The following PLS1 variants were observed in gnomAD, a reference collection of about 807,000 sequenced individuals.
PLS1 encodes plastin-1.
In PLS1, 32 loss-of-function variants were observed where a neutral mutation model predicts 73.7. That is an observed-to-expected ratio of 0.43 (90% CI 0.33 to 0.58). PLS1 has a LOEUF of 0.58. Among genes scored for constraint, PLS1 ranks in the 20% least tolerant of loss-of-function variants. The pLI, the probability that PLS1 is intolerant of heterozygous loss-of-function variation, is 0.04. For synonymous variants in PLS1, 217 were observed against 261.3 expected (o/e 0.83, Z 1.63); for missense variants, 633 against 740.5 (o/e 0.85, Z 1.68).
At chr3:142,645,851 C>A (rs1225761427) in intron 1 of PLS1, among the ~76,000 whole-genome samples, 1 of 151,918 alleles carries the variant, frequency 6.6e-6, no homozygotes, top group Admixed American at 6.6e-5. Context: ...TAATCCATTC[C>A]CTGAGTATCA....
chr3:142,615,262 C>A (rs2036195648), intron 1 of PLS1, among the ~76,000 whole-genome samples: 1 of 152,136 alleles, frequency 6.6e-6, no homozygotes, highest in Non-Finnish European at 1.5e-5. Context: ...ATCTTCTCTC[C>A]ATTTACATTA....
chr3:142,600,917 T>TATATATATATATA (rs1491180044), intron 1 of PLS1, among the ~76,000 whole-genome samples: 10 of 11,866 alleles, frequency 8.4e-4, no homozygotes, highest in South Asian at 4.5e-3. Context: ...TATATATATA[T>TATATATATATATA]TTTTTTTTTT....
At chr3:142,656,982 C>G (rs542083823) in intron 1 of PLS1, 1 of 152,158 alleles carries the variant, frequency 6.6e-6, no homozygotes, top group Non-Finnish European at 1.5e-5. Context: ...TTTGAAGCAA[C>G]TTTATTTTTA....
intron 11 of PLS1, among the ~76,000 whole-genome samples, chr3:142,696,614 T>A (rs1298629232): frequency 6.6e-6 from 1 of 151,890 alleles, no homozygotes; most frequent in Non-Finnish European, 1.5e-5. Flanking sequence ...GTTATATATT[T>A]CAAGAACTAT....
chr3:142,602,545 G>C (rs76266117), intron 1 of PLS1, among the ~76,000 whole-genome samples: 3,418 of 152,108 alleles, frequency 0.022, 122 homozygotes, highest in African/African-American at 0.078. Context: ...ACTAATTGGA[G>C]GTGGGTGTGG....
intron 1 of PLS1, among the ~76,000 whole-genome samples, chr3:142,650,422 T>G (rs1319537056): frequency 6.6e-6 from 1 of 152,024 alleles, no homozygotes; most frequent in Non-Finnish European, 1.5e-5. Context: ...AGCCTTGTGT[T>G]CTCTCTTTGT....
intron 14 of PLS1, among the ~76,000 whole-genome samples, chr3:142,707,008 A>G (rs1268646638): frequency 3.3e-5 from 5 of 152,214 alleles, no homozygotes; most frequent in Admixed American, 2.0e-4. Flanking sequence ...TCAGTTGAAT[A>G]AAAGGGTTGA....
At chr3:142,687,682 A>G (rs1230907529) in intron 9 of PLS1, among the ~76,000 whole-genome samples, 1 of 151,942 alleles carries the variant, frequency 6.6e-6, no homozygotes, top group Non-Finnish European at 1.5e-5. Context: ...TTTATTCCCT[A>G]TTTCTCTCCT....
chr3:142,668,489 G>A (rs890710697), intron 2 of PLS1, among the ~76,000 whole-genome samples: 2 of 152,076 alleles, frequency 1.3e-5, no homozygotes, highest in Non-Finnish European at 2.9e-5. Flanking sequence ...TTTACACAGC[G>A]CATGTATTTT....
At chr3:142,603,281 A>T (rs1057374093) in intron 1 of PLS1, among the ~76,000 whole-genome samples, 1 of 152,116 alleles carries the variant, frequency 6.6e-6, no homozygotes, top group Non-Finnish European at 1.5e-5. Flanking sequence ...GCTTTTTATT[A>T]TAGTAATATT....
chr3:142,675,869 T>G (rs1577876401), intron 4 of PLS1, among the ~76,000 whole-genome samples: 1 of 151,394 alleles, frequency 6.6e-6, no homozygotes, highest in East Asian at 2.0e-4. Context: ...GAGACGGGGG[T>G]TTCTCCATGT....
At chr3:142,600,317 C>T (rs966508417) in intron 1 of PLS1, among the ~76,000 whole-genome samples, 1 of 152,128 alleles carries the variant, frequency 6.6e-6, no homozygotes, top group Non-Finnish European at 1.5e-5. Flanking sequence ...GAGGCAGACA[C>T]AAATGGGTTG....
At chr3:142,636,239 C>T (rs560618968) in intron 1 of PLS1, among the ~76,000 whole-genome samples, 3 of 152,136 alleles carry the variant, frequency 2.0e-5, no homozygotes, top group African/African-American at 7.2e-5. Context: ...GTTGTATTTG[C>T]ATAAAGATAG....
chr3:142,711,422 A>G lies in PLS1; in HGVS notation c.1630-79A>G, dbSNP rs562660642. 211 of 1,057,158 alleles carry G rather than the reference A, an allele frequency of 2.0e-4. 4 individuals are homozygous for G. In the South Asian group the frequency reaches 3.6e-3, roughly 18 times the overall value. 65.5% of individuals were successfully genotyped at this position (1,057,158 alleles called of 1,614,324 possible). ...AAGAATTTGTAGATTGCCTTCAGTT[A>G]TATGATCAGAAGAGTCTGAAAATAA... On this transcript the variant is annotated intron_variant, in intron 14 of 15. Coordinates refer to ENST00000457734, the MANE Select transcript of PLS1 (RefSeq NM_001145319.2).
chr3:142,647,975 A>G (rs1052920315), intron 1 of PLS1, among the ~76,000 whole-genome samples: 1 of 152,092 alleles, frequency 6.6e-6, no homozygotes, highest in African/African-American at 2.4e-5. Flanking sequence ...TTGGTGAGGG[A>G]TGTCTGCAGT....
intron 1 of PLS1, among the ~76,000 whole-genome samples, chr3:142,648,037 C>T (rs1183710325): frequency 6.6e-6 from 1 of 152,130 alleles, no homozygotes; most frequent in Non-Finnish European, 1.5e-5. Flanking sequence ...TTCATTGACT[C>T]CCTTACTAAG....
rs532082306 is a variant in PLS1, at chr3:142,622,232, G to A, written c.-37+25723G>A. ...CAGATGTCCTTTAAAATATTTAAAT[G>A]TGAGTGTGTATTTTTAACATTCATT... On this transcript the variant is annotated intron_variant, in intron 1 of 15. Transcript: ENST00000457734. Among the ~76,000 whole-genome samples the A allele has an allele frequency of 6.6e-5, 10 of 152,332 alleles. No individual in the cohort carries two copies. The East Asian group carries it at 1.7e-3, about 26-fold the overall frequency.
chr3:142,679,413 C>T (rs2037799455), intron 6 of PLS1, among the ~76,000 whole-genome samples: 1 of 150,934 alleles, frequency 6.6e-6, no homozygotes, highest in African/African-American at 2.4e-5. Flanking sequence ...TTAGGTCTAA[C>T]GTTTAAGTCT....
chr3:142,622,310 A>T (rs9824893), intron 1 of PLS1, among the ~76,000 whole-genome samples: 96,894 of 151,668 alleles, frequency 0.64, 32,519 homozygotes, highest in African/African-American at 0.86. Context: ...GACAGCCGGC[A>T]GTGTTTTGAC....
Sources: gnomAD v4.1 joint callset for allele counts (sites outside exome capture counted in the v4.1 genomes callset) on GRCh38, gnomAD v4.1.1 for gene constraint, MANE v1.5 for transcripts, NCBI Gene and HGNC (gene_info 2026-07-23, HGNC 2026-07-21) for gene names.